The following KCNIP4 variants were observed in gnomAD, a reference collection of about 807,000 sequenced individuals.
The protein encoded by KCNIP4 is potassium voltage-gated channel interacting protein 4.
Under a neutral mutation model 34.0 loss-of-function variants are expected in KCNIP4, and 12 were observed. The ratio of observed to expected loss-of-function variants is 0.35; its 90% CI spans 0.23 to 0.57. The LOEUF (loss-of-function observed/expected upper bound fraction) is 0.57, where lower values mean the gene tolerates loss of function less well. Ranked by LOEUF, KCNIP4 falls within the 20% of genes least tolerant of loss-of-function variation. KCNIP4 has a pLI of 0.83. For missense variants in KCNIP4, 238 were observed against 311.7 expected (o/e 0.76, Z 1.78); for synonymous variants, 124 against 102.2 (o/e 1.21, Z -1.29).
intron 1 of KCNIP4, among the ~76,000 whole-genome samples, chr4:20,917,703 A>G (rs1473021374): frequency 6.6e-6 from 1 of 152,164 alleles, no homozygotes; most frequent in Non-Finnish European, 1.5e-5. Context: ...CTCTTGAGAA[A>G]CAAATCTGGC....
At chr4:21,656,068 T>C (rs1747903396) in intron 1 of KCNIP4, among the ~76,000 whole-genome samples, 1 of 152,184 alleles carries the variant, frequency 6.6e-6, no homozygotes, top group African/African-American at 2.4e-5. Flanking sequence ...TGTCTCACAG[T>C]TCTAGATGCA....
chr4:21,341,334 A>G (rs945025883), intron 1 of KCNIP4, among the ~76,000 whole-genome samples: 11 of 152,102 alleles, frequency 7.2e-5, no homozygotes, highest in African/African-American at 2.7e-4. Flanking sequence ...CTAAATGACA[A>G]ATTGACAACT....
intron 1 of KCNIP4, among the ~76,000 whole-genome samples, chr4:20,908,185 C>T (rs528023528): frequency 2.0e-4 from 29 of 143,486 alleles, no homozygotes; most frequent in African/African-American, 6.3e-4. Flanking sequence ...CTGCAACTTC[C>T]GCCTGCTGGG....
At chr4:21,919,915 T>C (rs1055156009) in intron 1 of KCNIP4, among the ~76,000 whole-genome samples, 4 of 152,244 alleles carry the variant, frequency 2.6e-5, no homozygotes, top group East Asian at 1.9e-4. Flanking sequence ...AACCTTATAA[T>C]TGATGTCATA....
chr4:20,848,375 G>A (rs1720624351), intron 3 of KCNIP4, among the ~76,000 whole-genome samples: 2 of 151,680 alleles, frequency 1.3e-5, no homozygotes, highest in South Asian at 2.1e-4. Context: ...GGAAAGCAAG[G>A]AGGAGTGAAG....
At chr4:21,074,884 T>A (rs1745330202) in intron 1 of KCNIP4, among the ~76,000 whole-genome samples, 1 of 152,206 alleles carries the variant, frequency 6.6e-6, no homozygotes, top group Non-Finnish European at 1.5e-5. Context: ...TCTGCCTTCA[T>A]TTCGTTATGT....
chr4:21,508,984 C>T (rs926488650), intron 1 of KCNIP4, among the ~76,000 whole-genome samples: 4 of 152,186 alleles, frequency 2.6e-5, no homozygotes, highest in African/African-American at 7.2e-5. Context: ...TTCCTTCTCA[C>T]CATTCAATAG....
chr4:21,589,156 G>GTATATATATA (rs375787939), intron 1 of KCNIP4, among the ~76,000 whole-genome samples: 16 of 71,200 alleles, frequency 2.2e-4, no homozygotes, highest in Non-Finnish European at 4.1e-4. Flanking sequence ...ATGGAGGTGT[G>GTATATATATA]TATATATATA....
chr4:21,234,231 TAACA>T (rs1173275110), intron 1 of KCNIP4, among the ~76,000 whole-genome samples: 1 of 42,376 alleles, frequency 2.4e-5, no homozygotes, highest in Non-Finnish European at 3.8e-5. Flanking sequence ...ATAACATATA[TAACA>T]TATATATAAC....
intron 1 of KCNIP4, among the ~76,000 whole-genome samples, chr4:20,894,131 T>C (rs1726248066): frequency 6.6e-6 from 1 of 152,172 alleles, no homozygotes; most frequent in African/African-American, 2.4e-5. Context: ...TCCGCACACC[T>C]CGGCCTCCCA....
intron 1 of KCNIP4, among the ~76,000 whole-genome samples, chr4:21,733,283 A>C (rs1356334173): frequency 4.6e-5 from 7 of 152,214 alleles, no homozygotes; most frequent in Non-Finnish European, 4.4e-5. Context: ...ACTGATACAC[A>C]CAGTGAACTG....
At position 21,174,524 on chromosome 4, in the gene KCNIP4, A is replaced by G. The variant is rs16870532; in HGVS notation, c.62-291815T>C. On this transcript the variant is annotated intron_variant, in intron 1 of 8. Transcript: ENST00000382152. Reference sequence around the variant, plus strand: ...ATTAGTTTCACTCTTTATTTCATTAACTACTTTGACTTAAGCTGGTCTCTT... The same window carrying G: ...ATTAGTTTCACTCTTTATTTCATTAGCTACTTTGACTTAAGCTGGTCTCTT... 5.4e-3 allele frequency among the ~76,000 whole-genome samples: 815 copies of G among 152,256 alleles called. 7 individuals carry two copies. The highest frequency in any genetic ancestry group is 0.018 in the African/African-American group (753 of 41,540).
In KCNIP4 at chr4:21,048,308, G is replaced by A. The variant is rs377657764; in HGVS notation, c.62-165599C>T. ...ATCTGGAACATGTAAACTCTAAAGA[G>A]AAGATGACAAGAAGAGATGGAAGAG... On this transcript the variant is annotated intron_variant, in intron 1 of 8. Coordinates refer to ENST00000382152, the MANE Select transcript of KCNIP4 (RefSeq NM_025221.6). 5.9e-5 allele frequency among the ~76,000 whole-genome samples: 9 copies of A among 152,164 alleles called. No individual in the cohort carries two copies. The South Asian group carries it at 1.9e-3, about 32-fold the overall frequency.
At chr4:21,729,129 C>A (rs1715407524) in intron 1 of KCNIP4, among the ~76,000 whole-genome samples, 1 of 152,084 alleles carries the variant, frequency 6.6e-6, no homozygotes, top group African/African-American at 2.4e-5. Context: ...TAAATCTGAG[C>A]ACCTTCTACA....
At chr4:21,809,450 C>T (rs988191538) in intron 1 of KCNIP4, among the ~76,000 whole-genome samples, 1 of 152,182 alleles carries the variant, frequency 6.6e-6, no homozygotes. Context: ...ATTTCTCAGC[C>T]TCCATAATAC....
chr4:20,898,622 G>C (rs972655426), intron 1 of KCNIP4, among the ~76,000 whole-genome samples: 9 of 152,176 alleles, frequency 5.9e-5, no homozygotes, highest in African/African-American at 2.2e-4. Context: ...TGAGGGCAGA[G>C]GTTTTTGTGC....
intron 1 of KCNIP4, among the ~76,000 whole-genome samples, chr4:21,017,288 T>A (rs184608580): frequency 1.3e-5 from 2 of 152,312 alleles, no homozygotes; most frequent in African/African-American, 4.8e-5. Context: ...TATCAACCCA[T>A]CACCTGGGTA....
At chr4:20,906,238 T>C (rs1280094485) in intron 1 of KCNIP4, among the ~76,000 whole-genome samples, 1 of 152,192 alleles carries the variant, frequency 6.6e-6, no homozygotes, top group African/African-American at 2.4e-5. Context: ...TGGGCTGCTT[T>C]TTAACATTGC....
chr4:20,995,083 T>C (rs890997100), intron 1 of KCNIP4, among the ~76,000 whole-genome samples: 7 of 152,224 alleles, frequency 4.6e-5, no homozygotes, highest in Non-Finnish European at 7.3e-5. Context: ...TTTTCCAGGC[T>C]TTCTCTCACT....
Sources: gnomAD v4.1 joint callset for allele counts (sites outside exome capture counted in the v4.1 genomes callset) on GRCh38, gnomAD v4.1.1 for gene constraint, MANE v1.5 for transcripts, NCBI Gene and HGNC (gene_info 2026-07-23, HGNC 2026-07-21) for gene names.